The following VPS53 variants were observed in gnomAD, a reference collection of about 807,000 sequenced individuals.
VPS53 encodes the protein VPS53 subunit of GARP complex, also known as vacuolar protein sorting-associated protein 53 homolog.
Under a neutral mutation model 107.0 loss-of-function variants are expected in VPS53, and 70 were observed. The observed-to-expected ratio is 0.65, with a 90% CI of 0.54 to 0.80. The LOEUF (loss-of-function observed/expected upper bound fraction) is 0.80, where lower values mean the gene tolerates loss of function less well. Among genes scored for constraint, VPS53 ranks in the 30% least tolerant of loss-of-function variants. The pLI is 0.00. For missense variants in VPS53, 917 were observed against 1,049.4 expected, an observed-to-expected ratio of 0.87 and a Z score of 1.74; for synonymous variants, 409 against 393.3, an observed-to-expected ratio of 1.04 and a Z score of -0.47.
At chr17:651,610 G>A (rs1597438716) in intron 7 of VPS53, among the ~76,000 whole-genome samples, 1 of 152,168 alleles carries the variant, frequency 6.6e-6, no homozygotes, top group East Asian at 1.9e-4. Flanking sequence ...AAGTCTATGT[G>A]TATTACTTAT....
intron 12 of VPS53, among the ~76,000 whole-genome samples, chr17:599,770 A>C (rs1007347597): frequency 1.2e-4 from 16 of 137,302 alleles, no homozygotes; most frequent in Admixed American, 2.9e-4. Context: ...AAATTAAAAA[A>C]AAAAACAAAA....
intron 11 of VPS53, among the ~76,000 whole-genome samples, chr17:619,024 G>A (rs774521291): frequency 7.0e-4 from 85 of 120,812 alleles, no homozygotes; most frequent in Non-Finnish European, 3.7e-4. Flanking sequence ...TGGGACTACA[G>A]GCGCACACCA....
chr17:638,281 C>CT (rs1970278136), intron 7 of VPS53, among the ~76,000 whole-genome samples: 1 of 152,154 alleles, frequency 6.6e-6, no homozygotes, highest in Non-Finnish European at 1.5e-5. Context: ...GATCTTCCTC[C>CT]ATCCCTTTAT....
intron 14 of VPS53, 38 bp downstream of exon 14, chr17:562,465 T>C (rs754500055): frequency 1.4e-4 from 233 of 1,608,044 alleles, no homozygotes; most frequent in Non-Finnish European, 1.8e-4. Flanking sequence ...TATTTAGGTC[T>C]ATTTGCCACC....
chr17:668,513 T>A (rs973740250), intron 4 of VPS53, among the ~76,000 whole-genome samples: 1 of 152,172 alleles, frequency 6.6e-6, no homozygotes, highest in Non-Finnish European at 1.5e-5. Flanking sequence ...GAGTCTAATA[T>A]CCAAGATGCT....
At chr17:658,476 C>G (rs915111156) in intron 5 of VPS53, among the ~76,000 whole-genome samples, 30 of 148,942 alleles carry the variant, frequency 2.0e-4, no homozygotes, top group African/African-American at 7.5e-4. Flanking sequence ...GCCGTGAGTT[C>G]GTGGATAGAT....
intron 13 of VPS53, among the ~76,000 whole-genome samples, chr17:563,566 T>C (rs1005252970): frequency 6.6e-6 from 1 of 152,192 alleles, no homozygotes; most frequent in Non-Finnish European, 1.5e-5. Flanking sequence ...AGTGCTGGGA[T>C]TACAGGTGTG....
rs1247052282 is a variant in VPS53 at position 524,641 on chromosome 17, G to C, written c.2086-2903C>G. On this transcript the variant is annotated intron_variant, in intron 19 of 21. Coordinates refer to ENST00000437048, the MANE Select transcript of VPS53 (RefSeq NM_001128159.3). The surrounding 1 kb of genome is among the most constrained non-coding windows in gnomAD (Gnocchi z 4.5). ...TATGAAATGACACGCAACCTGGTTA[G>C]TAACTGGGAAATGCAAATTAAAACC... 1.3e-5 allele frequency among the ~76,000 whole-genome samples: 2 copies of C among 152,242 alleles called. No homozygotes were observed. Among genetic ancestry groups the C allele is most frequent in the African/African-American group, 4.8e-5 (2 of 41,468 alleles).
chr17:618,357 C>T (rs1397146964), intron 11 of VPS53, among the ~76,000 whole-genome samples: 3 of 104,416 alleles, frequency 2.9e-5, no homozygotes, highest in Admixed American at 9.5e-5. Context: ...TGCACCACCA[C>T]GCCCCACTAA....
intron 4 of VPS53, among the ~76,000 whole-genome samples, chr17:680,150 C>T (rs1033031651): frequency 2.6e-5 from 4 of 152,096 alleles, no homozygotes; most frequent in African/African-American, 9.7e-5. Context: ...AAAAATTAGC[C>T]GGTCATGGTA....
At chr17:714,575 C>G (rs1973776785) in intron 1 of VPS53, 48 bp downstream of exon 1, 1 of 1,558,544 alleles carries the variant, frequency 6.4e-7, no homozygotes, top group Non-Finnish European at 8.7e-7. Flanking sequence ...GAGCTGCCGT[C>G]TCCCCTCCCG....
At chr17:713,876 ACC>A (rs11397938) in intron 1 of VPS53, among the ~76,000 whole-genome samples, 2 of 101,768 alleles carry the variant, frequency 2.0e-5, no homozygotes, top group African/African-American at 7.2e-5. Flanking sequence ...CCCCGTCTTT[ACC>A]CCAAAAAAAA....
intron 4 of VPS53, among the ~76,000 whole-genome samples, chr17:688,820 C>T (rs560486699): frequency 1.6e-4 from 25 of 152,318 alleles, no homozygotes; most frequent in Non-Finnish European, 2.8e-4. Context: ...TCTAACAACC[C>T]GACTCCAGGG....
At chr17:711,887 G>C (rs1973655557) in intron 1 of VPS53, among the ~76,000 whole-genome samples, 1 of 151,226 alleles carries the variant, frequency 6.6e-6, no homozygotes, top group African/African-American at 2.4e-5. Context: ...CGCGATCTTG[G>C]TTCACTACAA....
At chr17:591,219 G>A (rs1316724121) in intron 12 of VPS53, among the ~76,000 whole-genome samples, 1 of 134,888 alleles carries the variant, frequency 7.4e-6, no homozygotes, top group Non-Finnish European at 1.7e-5. Flanking sequence ...GGGATCGGTG[G>A]TGATATCCCC....
chr17:648,832 C>G (rs1451444080), intron 7 of VPS53, among the ~76,000 whole-genome samples: 1 of 127,492 alleles, frequency 7.8e-6, no homozygotes. Context: ...CACTGGAGGA[C>G]AGAGGAATGG....
At chr17:579,536 G>T (rs767774910) in intron 13 of VPS53, among the ~76,000 whole-genome samples, 1 of 146,292 alleles carries the variant, frequency 6.8e-6, no homozygotes, top group Non-Finnish European at 1.5e-5. Context: ...CATTCCCAGA[G>T]AACTTCCCTC....
At chr17:535,266 A>G (rs907583351) in intron 18 of VPS53, among the ~76,000 whole-genome samples, 2 of 152,222 alleles carry the variant, frequency 1.3e-5, no homozygotes, top group African/African-American at 4.8e-5. Flanking sequence ...TGGGCTTAGC[A>G]ATGAAACTCA....
intron 12 of VPS53, among the ~76,000 whole-genome samples, chr17:595,196 G>T (rs1967897127): frequency 9.5e-6 from 1 of 105,206 alleles, no homozygotes; most frequent in African/African-American, 3.4e-5. Flanking sequence ...AGGAAGCTGG[G>T]AGATGGGAAG....
Sources: allele counts gnomAD v4.1 joint callset (sites outside exome capture counted in the v4.1 genomes callset), GRCh38; gene constraint gnomAD v4.1.1; non-coding constraint Gnocchi (gnomAD v3.1); transcripts MANE v1.5; gene names NCBI Gene and HGNC (gene_info 2026-07-23, HGNC 2026-07-21).